The following DIXDC1 variants were observed in gnomAD, a reference collection of about 807,000 sequenced individuals.
DIXDC1 encodes the protein dixin.
DIXDC1 carries 64 observed loss-of-function variants against 103.1 expected under a neutral mutation model. The observed-to-expected ratio is 0.62, with a 90% CI of 0.51 to 0.76. The LOEUF (loss-of-function observed/expected upper bound fraction) is 0.76, where lower values mean the gene tolerates loss of function less well. Ranked by LOEUF, DIXDC1 falls within the 30% of genes least tolerant of loss-of-function variation. The pLI is 0.00. For missense variants in DIXDC1, 759 were observed against 834.2 expected (o/e 0.91, Z 1.11); for synonymous variants, 266 against 298.5 (o/e 0.89, Z 1.12).
intron 12 of DIXDC1, 104 bp from the exon 13 acceptor site, chr11:111,993,392 T>G (rs782276072): frequency 8.6e-5 from 107 of 1,245,186 alleles, no homozygotes; most frequent in Non-Finnish European, 1.1e-4. Flanking sequence ...AGGACTTTTT[T>G]TCCTGAGGCT....
chr11:111,987,074 C>T (rs1273502927), intron 9 of DIXDC1, 150 bp downstream of exon 9: 5 of 516,072 alleles, frequency 9.7e-6, no homozygotes, highest in African/African-American at 1.9e-5. Context: ...CATGGTGAAA[C>T]CCCGTCTCTA....
chr11:112,010,783 C>A, intron 17 of DIXDC1, among the ~76,000 whole-genome samples: 1 of 152,104 alleles, frequency 6.6e-6, no homozygotes, highest in South Asian at 2.1e-4. Flanking sequence ...CTTCCTTACA[C>A]CTTATACAAA....
At chr11:111,991,966 G>T (rs1860724723) in intron 10 of DIXDC1, among the ~76,000 whole-genome samples, 1 of 152,156 alleles carries the variant, frequency 6.6e-6, no homozygotes, top group Non-Finnish European at 1.5e-5. Context: ...AGCTAATCTA[G>T]ATTGAGTATT....
chr11:111,990,789 C>G (rs1451911445), intron 10 of DIXDC1, among the ~76,000 whole-genome samples: 1 of 152,126 alleles, frequency 6.6e-6, no homozygotes, highest in African/African-American at 2.4e-5. Context: ...TCACTGCAAC[C>G]TCCACCTCCC....
chr11:111,965,865 A>G (rs1231520725), intron 2 of DIXDC1, among the ~76,000 whole-genome samples: 1 of 152,248 alleles, frequency 6.6e-6, no homozygotes, highest in Non-Finnish European at 1.5e-5. Flanking sequence ...TTACAAAGTC[A>G]CATAACTATA....
intron 17 of DIXDC1, among the ~76,000 whole-genome samples, chr11:112,010,287 C>T (rs1421749712): frequency 6.6e-6 from 1 of 152,096 alleles, no homozygotes; most frequent in Non-Finnish European, 1.5e-5. Flanking sequence ...CAAACCACTG[C>T]CCAGGGAAAT....
intron 17 of DIXDC1, chr11:112,015,500 C>CT (rs1162588309): frequency 6.6e-6 from 1 of 152,094 alleles, no homozygotes; most frequent in Non-Finnish European, 1.5e-5. Context: ...CCAAAAGTAC[C>CT]TTTTTAAAAG....
rs782560930 is a variant in DIXDC1 at position 111,989,052 on chromosome 11, A to G, written c.1110A>G (p.Ile370Met). The change falls in exon 10 of 20, where the codon ATA becomes ATG. Residue 370 changes from isoleucine to methionine, a missense_variant. By Grantham distance (10) the Ile-to-Met change is conservative (BLOSUM62 1). Transcript: ENST00000440460. The part of the protein sequence containing the change: ...CKQEARNLQG[I>M]KDALQQRLTQ... ...AAGAAGCCAGAAACTTACAGGGGAT[A>G]AAGGTAAAAAAGAAGACATTTAATT... 3.7e-6 allele frequency: 6 copies of G among 1,603,610 alleles called. No individual in the cohort carries two copies. In the South Asian group the frequency reaches 4.5e-5, roughly 12 times the overall value.
chr11:111,969,228 G>C (rs1270761107), intron 3 of DIXDC1, among the ~76,000 whole-genome samples: 5 of 151,900 alleles, frequency 3.3e-5, no homozygotes, highest in Non-Finnish European at 7.4e-5. Flanking sequence ...AGGAGTTTGA[G>C]ACTATCCTGG....
intron 17 of DIXDC1, among the ~76,000 whole-genome samples, chr11:111,996,849 CAAAAT>C (rs1281393596): frequency 1.3e-4 from 20 of 152,246 alleles, no homozygotes; most frequent in South Asian, 8.3e-4. Context: ...GACTCCATCT[CAAAAT>C]AAAATAAAAA....
intron 17 of DIXDC1, among the ~76,000 whole-genome samples, chr11:112,001,589 T>C (rs587764952): frequency 6.6e-5 from 10 of 152,282 alleles, no homozygotes; most frequent in African/African-American, 2.4e-4. Flanking sequence ...TAAAAAATCG[T>C]AACTTTCTTG....
upstream of DIXDC1, chr11:111,937,126 CCGGG>C (rs1486584743): frequency 7.3e-5 from 42 of 573,222 alleles, no homozygotes; most frequent in African/African-American, 2.0e-3. Context: ...GTGCTGCGGC[CCGGG>C]CGGGGGGGGG....
chr11:111,995,601 T>G (rs1201529650), intron 16 of DIXDC1, 37 bp downstream of exon 16: 1 of 1,606,012 alleles, frequency 6.2e-7, no homozygotes, highest in Non-Finnish European at 8.5e-7. Flanking sequence ...TTAGGCAAGC[T>G]CCTGAGAAAG....
chr11:111,985,668 C>T (rs761868538), intron 8 of DIXDC1, among the ~76,000 whole-genome samples: 5 of 151,898 alleles, frequency 3.3e-5, no homozygotes, highest in Non-Finnish European at 7.4e-5. Flanking sequence ...CAGTCTAGGC[C>T]CTCATGTGTC....
intron 17 of DIXDC1, among the ~76,000 whole-genome samples, chr11:111,999,049 T>C (rs1441764501): frequency 1.3e-5 from 2 of 152,206 alleles, no homozygotes; most frequent in Non-Finnish European, 2.9e-5. Context: ...TTTCCTTTTT[T>C]ATGGAACCAA....
chr11:111,987,863 T>C (rs1592600010), intron 9 of DIXDC1, among the ~76,000 whole-genome samples: 1 of 152,038 alleles, frequency 6.6e-6, no homozygotes, highest in Non-Finnish European at 1.5e-5. Flanking sequence ...TTTCACTATG[T>C]TGGCCAGGCT....
intron 17 of DIXDC1, among the ~76,000 whole-genome samples, chr11:112,008,776 G>A (rs59043813): frequency 0.014 from 2,159 of 152,232 alleles, 55 homozygotes; most frequent in African/African-American, 0.049. Flanking sequence ...AAGACACAAC[G>A]TACCAGAATA....
chr11:112,017,886 G>A lies in DIXDC1; in HGVS notation c.1971+1G>A, dbSNP rs376805011. 7 of 1,603,492 alleles carry A rather than the reference G, an allele frequency of 4.4e-6. No homozygotes were observed. The highest frequency in any genetic ancestry group is 5.1e-6 in the Non-Finnish European group (6 of 1,174,084). On this transcript the variant is annotated splice_donor_variant, in intron 19 of 19. Transcript: ENST00000440460. LOFTEE classifies it high-confidence loss of function. The surrounding 1 kb of genome is among the most constrained non-coding windows in gnomAD (Gnocchi z 4.0). ...TGAGTTTGGCACTGTCAAAGAGGAG[G>A]TAAAGAATCTGTGGGGAGTCTGTAT...
At position 111,974,957 on chromosome 11, in the gene DIXDC1, G is replaced by C. The variant is rs1860050560; in HGVS notation, c.630G>C (p.Arg210Ser). 2 of 1,613,024 alleles carry C rather than the reference G, an allele frequency of 1.2e-6. No homozygotes were observed. The highest frequency in any genetic ancestry group is 1.7e-6 in the Non-Finnish European group (2 of 1,179,636). ...TGCAGCAGTACGAAGGGCAACAAAG[G>C]TCCCCGTCTGAATCCAGCTGCTCCA... The part of the protein sequence containing the change: ...ALVQQYEGQQ[R>S]SPSESSCSSL... Residue 210 changes from arginine (R) to serine (S), a missense_variant, in exon 5 of 20, where the codon AGG (arginine) becomes AGC (serine). By Grantham distance (110) the Arg-to-Ser change is moderately radical. Coordinates refer to ENST00000440460, the MANE Select transcript of DIXDC1 (RefSeq NM_001037954.4).
Sources: allele counts gnomAD v4.1 joint callset (sites outside exome capture counted in the v4.1 genomes callset), GRCh38; gene constraint gnomAD v4.1.1; non-coding constraint Gnocchi (gnomAD v3.1); transcripts MANE v1.5; gene names NCBI Gene and HGNC (gene_info 2026-07-23, HGNC 2026-07-21).